CPLANE1: variants seen among roughly 807,000 people sequenced by gnomAD.
CPLANE1 encodes ciliogenesis and planar polarity effector complex subunit 1.
CPLANE1 carries 263 observed loss-of-function variants against 362.5 expected under a neutral mutation model. The ratio of observed to expected loss-of-function variants is 0.73; its 90% CI spans 0.66 to 0.80. The LOEUF is 0.80. CPLANE1 is among the 30% of genes least tolerant of loss of function. CPLANE1 has a pLI of 0.00. For synonymous variants in CPLANE1, 1,212 were observed against 1,302.6 expected, an observed-to-expected ratio of 0.93 and a Z score of 1.50; for missense variants, 3,461 against 3,793.4, an observed-to-expected ratio of 0.91 and a Z score of 2.30.
chr5:37,226,400 A>G lies in CPLANE1; in HGVS notation c.2195T>C (p.Met732Thr). ...QDSLVVPIFQ[M>T]FQDSGFQKNW... The stretch of plus-strand genomic sequence containing the variant: ...TTTCTGAAAACCACTATCTTGAAAC[A>G]TCTGAAAAATAGGTACCACCAATGA... Residue 732 changes from methionine (M) to threonine (T), a missense_variant, in exon 12 of 53, where the codon ATG (methionine) becomes ACG (threonine). By Grantham distance (81) the Met-to-Thr change is moderately conservative. This residue lies in a region of CPLANE1 where 3,380 missense variants were observed against 3,666.1 expected (regional missense o/e 0.92). Transcript: ENST00000651892. The G allele has an allele frequency of 6.5e-7, 1 of 1,550,226 alleles. No homozygotes were observed. The highest frequency in any genetic ancestry group is 1.2e-5 in the South Asian group (1 of 83,578).
At chr5:37,242,975 A>T in intron 6 of CPLANE1, 38 bp downstream of exon 6, 1 of 1,428,516 alleles carries the variant, frequency 7.0e-7, no homozygotes, top group South Asian at 1.3e-5. Flanking sequence ...AAGAAAAAAA[A>T]ATCAGTAAGA....
chr5:37,195,589 ACT>A (rs539983403), intron 21 of CPLANE1, among the ~76,000 whole-genome samples: 252 of 151,152 alleles, frequency 1.7e-3, no homozygotes, highest in Admixed American at 3.0e-3. Flanking sequence ...ACAGAGCCAG[ACT>A]CTGTCTCAAA....
chr5:37,209,895 C>T lies in CPLANE1; in HGVS notation c.2921-3470G>A, dbSNP rs1792088902. 1.4e-6 allele frequency: 2 copies of T among 1,441,676 alleles called. No homozygotes were observed. The highest frequency in any genetic ancestry group is 1.1e-5 in the South Asian group (1 of 87,488). 89.3% of individuals were successfully genotyped at this position (1,441,676 alleles called of 1,614,324 possible). A position where few individuals can be genotyped will look rare whatever the true frequency, so the allele number is the denominator to read the frequency against. On this transcript the variant is annotated intron_variant, in intron 16 of 52. Coordinates refer to ENST00000651892, the MANE Select transcript of CPLANE1 (RefSeq NM_001384732.1). The surrounding 1 kb of genome is among the most constrained non-coding windows in gnomAD (Gnocchi z 4.6). ...AGATTCTCTGGCTGAGAAGCTTCAGCTTATTGATGATCAGTTTGCAGATGC... is the reference window on the plus strand; with the variant it reads ...AGATTCTCTGGCTGAGAAGCTTCAGTTTATTGATGATCAGTTTGCAGATGC...
chr5:37,174,065 G>A (rs1780507581), intron 31 of CPLANE1, 118 bp from the exon 32 acceptor site: 2 of 884,754 alleles, frequency 2.3e-6, no homozygotes, highest in Non-Finnish European at 3.4e-6. Flanking sequence ...GGTTATTCTA[G>A]TAGTTTTCTA....
At chr5:37,112,850 C>A (rs890123780) in intron 51 of CPLANE1, among the ~76,000 whole-genome samples, 1 of 152,176 alleles carries the variant, frequency 6.6e-6, no homozygotes, top group East Asian at 1.9e-4. Flanking sequence ...CAAATACCTA[C>A]AGCTTTCTAT....
chr5:37,188,003 T>C (rs1784508254), intron 21 of CPLANE1, among the ~76,000 whole-genome samples, 161 bp from the exon 22 acceptor site: 2 of 152,236 alleles, frequency 1.3e-5, no homozygotes, highest in Admixed American at 6.5e-5. Flanking sequence ...AAAGTCCTTA[T>C]ATAAAAGTCA....
At chr5:37,122,516 T>C (rs1762947000) in intron 47 of CPLANE1, 28 bp from the exon 48 acceptor site, 1 of 1,559,228 alleles carries the variant, frequency 6.4e-7, no homozygotes, top group South Asian at 1.1e-5. Flanking sequence ...AGTTGGTTCA[T>C]TATTGTTCAA....
rs376161840 is a variant in CPLANE1, at chr5:37,192,866, A to C, written c.3811+2992T>G. ...GCTAGACTCCATCAAAAAAAAAAAA[A>C]AAAAACAAATACCTCATCTGGGCCG... is the stretch of plus-strand genomic sequence containing the variant. On this transcript the variant is annotated intron_variant, in intron 21 of 52. Coordinates refer to ENST00000651892, the MANE Select transcript of CPLANE1 (RefSeq NM_001384732.1). Among the ~76,000 whole-genome samples, 59 of 141,494 alleles carry C rather than the reference A, an allele frequency of 4.2e-4. No homozygotes were observed. In the East Asian group the frequency reaches 0.011, roughly 27 times the overall value. The allele number at this position is 141,494 out of a possible 152,430, so 92.8% of individuals were successfully genotyped here. A position where few individuals can be genotyped will look rare whatever the true frequency, so the allele number is the denominator to read the frequency against.
At chr5:37,222,136 G>T (rs997969208) in intron 14 of CPLANE1, among the ~76,000 whole-genome samples, 12 of 152,050 alleles carry the variant, frequency 7.9e-5, no homozygotes, top group African/African-American at 2.9e-4. Context: ...CATTCTTTCT[G>T]AGTAAAATAA....
intron 46 of CPLANE1, among the ~76,000 whole-genome samples, chr5:37,134,331 G>A (rs954315555): frequency 2.7e-4 from 41 of 152,286 alleles, no homozygotes; most frequent in African/African-American, 8.9e-4. Flanking sequence ...ATATTGGTCT[G>A]TTCAGGGTTT....
chr5:37,229,454 G>A (rs1429935124), intron 9 of CPLANE1, among the ~76,000 whole-genome samples: 1 of 151,506 alleles, frequency 6.6e-6, no homozygotes, highest in Non-Finnish European at 1.5e-5. Context: ...CAGGAGAATG[G>A]CATGAACCCA....
At chr5:37,192,441 A>G (rs534193644) in intron 21 of CPLANE1, among the ~76,000 whole-genome samples, 1 of 152,312 alleles carries the variant, frequency 6.6e-6, no homozygotes, top group African/African-American at 2.4e-5. Context: ...TCCTATGGTC[A>G]CACAACAAAA....
chr5:37,207,945 TTTTTGTTTTG>T (rs571135018), intron 16 of CPLANE1, among the ~76,000 whole-genome samples: 7 of 152,014 alleles, frequency 4.6e-5, no homozygotes, highest in South Asian at 2.1e-4. Context: ...GTTGTTGTTG[TTTTTGTTTTG>T]TTTTGTTTTG....
the CPLANE1 span, among the ~76,000 whole-genome samples, chr5:37,093,258 G>A: frequency 2.0e-5 from 3 of 152,176 alleles, no homozygotes; most frequent in Admixed American, 6.5e-5. Context: ...GCAGGGTATA[G>A]ATCAAAAAAT....
chr5:37,191,339 G>A (rs867957547), intron 21 of CPLANE1, among the ~76,000 whole-genome samples: 10 of 151,864 alleles, frequency 6.6e-5, no homozygotes, highest in South Asian at 2.1e-4. Flanking sequence ...TTAGACCAGC[G>A]TGAGCAACAT....
At chr5:37,080,052 G>A in the CPLANE1 span, among the ~76,000 whole-genome samples, 1 of 152,130 alleles carries the variant, frequency 6.6e-6, no homozygotes, top group East Asian at 1.9e-4. Flanking sequence ...GAAGATGAGC[G>A]GATATTCAAG....
chr5:37,087,116 G>T, the CPLANE1 span, among the ~76,000 whole-genome samples: 1 of 152,174 alleles, frequency 6.6e-6, no homozygotes, highest in Non-Finnish European at 1.5e-5. Context: ...TCAGTTAAGA[G>T]ACCTAATGCA....
intron 50 of CPLANE1, among the ~76,000 whole-genome samples, chr5:37,117,425 T>C (rs1761330343): frequency 6.6e-6 from 1 of 151,926 alleles, no homozygotes; most frequent in Non-Finnish European, 1.5e-5. Context: ...TTAGCCACCA[T>C]TATCTCTAAT....
chr5:37,180,176 G>A lies in CPLANE1; in HGVS notation c.5578C>T (p.Pro1860Ser). ...ATATCAGGATTTTTTGCTTCAGTTG[G>A]CATTCTACTGAAAAAAATGCAGCAA... ...KSCQNILNRM[P>S]TEAKNPDIKE... The change falls in exon 28 of 53, where the codon CCA becomes TCA. Residue 1860 changes from proline to serine, a missense_variant. Physicochemically the swap from Pro to Ser is moderately conservative, Grantham distance 74. Around this residue, in one of 2 missense-constraint regions of CPLANE1, gnomAD observed 3,380 missense variants for 3,666.1 expected, o/e 0.92. Transcript: ENST00000651892. 2.0e-6 allele frequency: 3 copies of A among 1,467,194 alleles called. No homozygotes were observed. The highest frequency in any genetic ancestry group is 1.5e-5 in the South Asian group (1 of 67,890). 90.9% of individuals were successfully genotyped at this position (1,467,194 alleles called of 1,614,324 possible). A position where few individuals can be genotyped will look rare whatever the true frequency, so the allele number is the denominator to read the frequency against.
Sources: allele counts gnomAD v4.1 joint callset (sites outside exome capture counted in the v4.1 genomes callset), GRCh38; gene constraint gnomAD v4.1.1; regional missense constraint gnomAD v4.1.1; non-coding constraint Gnocchi (gnomAD v3.1); transcripts MANE v1.5; gene names NCBI Gene and HGNC (gene_info 2026-07-23, HGNC 2026-07-21).